Variants in ADAMTS18 observed in about 807,000 individuals in gnomAD.
The protein encoded by ADAMTS18 is A disintegrin and metalloproteinase with thrombospondin motifs 18.
A neutral mutation model predicts 165.9 loss-of-function variants in ADAMTS18; 157 were observed. The observed-to-expected ratio is 0.95, with a 90% CI of 0.83 to 1.08. The LOEUF is 1.08. ADAMTS18 is among the 50% of genes least tolerant of loss of function. ADAMTS18 has a pLI of 0.00. For missense variants in ADAMTS18, 2,040 were observed against 1,534.0 expected, an observed-to-expected ratio of 1.33 and a Z score of -5.51; for synonymous variants, 782 against 578.2, an observed-to-expected ratio of 1.35 and a Z score of -5.06.
intron 10 of ADAMTS18, among the ~76,000 whole-genome samples, chr16:77,344,569 T>C (rs1392887004): frequency 1.3e-5 from 2 of 152,116 alleles, no homozygotes; most frequent in Admixed American, 6.6e-5. Flanking sequence ...AACTAAATTG[T>C]TTTTCTTCTT....
chr16:77,374,285 G>C (rs1371443518), intron 3 of ADAMTS18, among the ~76,000 whole-genome samples: 1 of 151,846 alleles, frequency 6.6e-6, no homozygotes, highest in Non-Finnish European at 1.5e-5. Context: ...GATGCTGAAG[G>C]CATGCCAATA....
chr16:77,367,322 C>T (rs1597179705), intron 4 of ADAMTS18, 119 bp downstream of exon 4: 21 of 1,120,436 alleles, frequency 1.9e-5, no homozygotes, highest in Middle Eastern at 2.8e-4. Flanking sequence ...GGTCCTACAC[C>T]AAGACAGATG....
intron 3 of ADAMTS18, among the ~76,000 whole-genome samples, chr16:77,430,130 G>C (rs948997990): frequency 4.6e-5 from 7 of 150,904 alleles, no homozygotes; most frequent in African/African-American, 1.7e-4. Context: ...TAAGTAAAGA[G>C]AAGGAGATGT....
At position 77,291,321 on chromosome 16, in the gene ADAMTS18, G is replaced by A; in HGVS notation, c.3347C>T (p.Pro1116Leu). Residue 1116 changes from proline to leucine, a missense_variant, in exon 21 of 23, where the codon CCA becomes CTA. Coordinates refer to ENST00000282849, the MANE Select transcript of ADAMTS18 (RefSeq NM_199355.4). ...LEETCNRRAC[P>L]AHPVYNMVAG... ...TACCATGTTGTACACTGGATGGGCT[G>A]GGCAAGCCCGTCGGTTGCAGGTCTC... The A allele has an allele frequency of 6.2e-7, 1 of 1,614,174 alleles. No individual in the cohort carries two copies. Among genetic ancestry groups the A allele is most frequent in the South Asian group, 1.1e-5 (1 of 91,086 alleles).
intron 3 of ADAMTS18, among the ~76,000 whole-genome samples, chr16:77,425,943 G>A (rs1390106999): frequency 1.3e-5 from 2 of 152,096 alleles, no homozygotes; most frequent in African/African-American, 2.4e-5. Flanking sequence ...CTGCTTGGGA[G>A]GCTGAGGCAG....
chr16:77,333,896 G>A (rs2056232757), intron 12 of ADAMTS18, among the ~76,000 whole-genome samples: 1 of 130,502 alleles, frequency 7.7e-6, no homozygotes, highest in Admixed American at 7.8e-5. Flanking sequence ...TATATTAATA[G>A]TATAATATAT....
At chr16:77,342,832 A>G (rs961428660) in intron 10 of ADAMTS18, among the ~76,000 whole-genome samples, 10 of 152,158 alleles carry the variant, frequency 6.6e-5, no homozygotes, top group Admixed American at 5.9e-4. Flanking sequence ...ACTGTCCTAA[A>G]TTTTCCAGGT....
rs924313531 is a variant in ADAMTS18, at chr16:77,282,388, T to G, written c.*1568A>C. The G allele has an allele frequency of 2.0e-5, 3 of 152,104 alleles. No homozygotes were observed. Among genetic ancestry groups the G allele is most frequent in the Admixed American group, 6.6e-5 (1 of 15,256 alleles). 9.4% of individuals were successfully genotyped at this position (152,104 alleles called of 1,614,324 possible). On this transcript the variant is annotated 3_prime_UTR_variant, in exon 23 of 23. Coordinates refer to ENST00000282849, the MANE Select transcript of ADAMTS18 (RefSeq NM_199355.4). ...CGGGGTTGTAGTAGAGAAAATTTTTTTTTTTCCTGTTGATAAAATGGCCAC... is the reference window on the plus strand; with the variant it reads ...CGGGGTTGTAGTAGAGAAAATTTTTGTTTTTCCTGTTGATAAAATGGCCAC...
At chr16:77,400,720 C>T (rs530056877) in intron 3 of ADAMTS18, among the ~76,000 whole-genome samples, 20 of 151,760 alleles carry the variant, frequency 1.3e-4, no homozygotes, top group African/African-American at 4.6e-4. Context: ...CCGCCTGCCT[C>T]GGCCTCCCAA....
At chr16:77,287,268 G>A (rs1192454624) in intron 22 of ADAMTS18, among the ~76,000 whole-genome samples, 2 of 152,096 alleles carry the variant, frequency 1.3e-5, no homozygotes, top group Admixed American at 6.5e-5. Context: ...GCTCACTAAT[G>A]TTTTCTGAAA....
At chr16:77,331,261 A>G (rs1195442233) in intron 12 of ADAMTS18, among the ~76,000 whole-genome samples, 1 of 152,174 alleles carries the variant, frequency 6.6e-6, no homozygotes, top group Non-Finnish European at 1.5e-5. Context: ...CATGCACTTT[A>G]CCAGCAGAGC....
chr16:77,323,557 CT>C (rs34433387), intron 13 of ADAMTS18, among the ~76,000 whole-genome samples: 59,924 of 140,884 alleles, frequency 0.43, 12,728 homozygotes, highest in East Asian at 0.86. Context: ...TAGAAAGTTC[CT>C]TTTTTTTTTT....
intron 22 of ADAMTS18, among the ~76,000 whole-genome samples, chr16:77,288,533 A>G (rs762303588): frequency 2.6e-5 from 4 of 152,122 alleles, no homozygotes; most frequent in Admixed American, 6.5e-5. Context: ...CCATTTTCCT[A>G]TCAGTACTCA....
At chr16:77,310,775 G>A (rs1214989814) in intron 16 of ADAMTS18, among the ~76,000 whole-genome samples, 1 of 151,986 alleles carries the variant, frequency 6.6e-6, no homozygotes, top group African/African-American at 2.4e-5. Context: ...CTAGCAGCAT[G>A]CACCACAACT....
At chr16:77,322,212 T>A in intron 14 of ADAMTS18, 124 bp downstream of exon 14, 1 of 1,066,800 alleles carries the variant, frequency 9.4e-7, no homozygotes, top group Non-Finnish European at 1.4e-6. Context: ...AACACTTTGC[T>A]CTTTCGCTCC....
In ADAMTS18 at chr16:77,363,846, T is replaced by C. The variant is rs200461231; in HGVS notation, c.1012A>G (p.Ile338Val). 5.6e-6 allele frequency: 9 copies of C among 1,614,042 alleles called. No individual in the cohort carries two copies. The highest frequency in any genetic ancestry group is 3.3e-5 in the South Asian group (3 of 91,078). Reference protein sequence around the residue: ...LFKDGTIGSDINVVVVSLILL... With the variant: ...LFKDGTIGSDVNVVVVSLILL... ...ATTAGGCTCACCACAACCACGTTTA[T>C]GTCACTTCCAATAGTCCCATCTTTA... Residue 338 changes from isoleucine to valine, a missense_variant, in exon 6 of 23, where the codon ATA becomes GTA. Transcript: ENST00000282849.
At chr16:77,421,723 T>G (rs1003833236) in intron 3 of ADAMTS18, among the ~76,000 whole-genome samples, 1 of 152,200 alleles carries the variant, frequency 6.6e-6, no homozygotes, top group African/African-American at 2.4e-5. Context: ...CCATATGTAT[T>G]TGACATGTCA....
At chr16:77,343,579 T>G (rs146570128) in intron 10 of ADAMTS18, among the ~76,000 whole-genome samples, 38 of 152,208 alleles carry the variant, frequency 2.5e-4, no homozygotes, top group African/African-American at 8.9e-4. Context: ...GTTGAACTTT[T>G]AAAATCACAC....
chr16:77,326,688 G>C (rs115734440), intron 12 of ADAMTS18, among the ~76,000 whole-genome samples: 2,418 of 152,206 alleles, frequency 0.016, 82 homozygotes, highest in African/African-American at 0.055. Flanking sequence ...CAGCCTGAAA[G>C]GATATTCTTT....
Sources: gnomAD v4.1 joint callset for allele counts (sites outside exome capture counted in the v4.1 genomes callset) on GRCh38, gnomAD v4.1.1 for gene constraint, MANE v1.5 for transcripts, NCBI Gene and HGNC (gene_info 2026-07-23, HGNC 2026-07-21) for gene names.